ADAM32: variants seen among roughly 807,000 people sequenced by gnomAD.
The protein encoded by ADAM32 is disintegrin and metalloproteinase domain-containing protein 32.
ADAM32 carries 89 observed loss-of-function variants against 114.9 expected under a neutral mutation model. That is an observed-to-expected ratio of 0.77 (90% confidence interval 0.65 to 0.92). The LOEUF (loss-of-function observed/expected upper bound fraction) is 0.92. Among genes scored for constraint, ADAM32 ranks in the 40% least tolerant of loss-of-function variants. The pLI is 0.00. For missense variants in ADAM32, 870 were observed against 932.8 expected (o/e 0.93, Z 0.88); for synonymous variants, 285 against 307.5 (o/e 0.93, Z 0.77).
intron 11 of ADAM32, among the ~76,000 whole-genome samples, chr8:39,206,435 A>G (rs1807838108): frequency 6.6e-6 from 1 of 152,316 alleles, no homozygotes; most frequent in Non-Finnish European, 1.5e-5. Context: ...GATGGTCTGC[A>G]TGGGCACTGA....
intron 6 of ADAM32, chr8:39,157,488 TCAGA>T: frequency 2.7e-6 from 1 of 373,826 alleles, no homozygotes. Flanking sequence ...TTTTTCAGTG[TCAGA>T]TAACTTTTAT....
intron 19 of ADAM32, among the ~76,000 whole-genome samples, chr8:39,264,314 A>G (rs902772899): frequency 1.3e-5 from 2 of 151,934 alleles, no homozygotes; most frequent in Non-Finnish European, 2.9e-5. Context: ...GTATTCATCT[A>G]TTTCTTCTAG....
chr8:39,222,941 A>T, intron 13 of ADAM32, 99 bp from the exon 14 acceptor site: 1 of 946,872 alleles, frequency 1.1e-6, no homozygotes, highest in Non-Finnish European at 1.5e-6. Context: ...ATTAATGGAT[A>T]GACTAAAGCG....
At chr8:39,133,859 C>T (rs537892412) in intron 2 of ADAM32, among the ~76,000 whole-genome samples, 1 of 152,170 alleles carries the variant, frequency 6.6e-6, no homozygotes, top group Non-Finnish European at 1.5e-5. Flanking sequence ...TTGGGTGGGC[C>T]GGTCCTCAGA....
At chr8:39,148,235 C>T (rs1273739806) in intron 4 of ADAM32, among the ~76,000 whole-genome samples, 2 of 152,154 alleles carry the variant, frequency 1.3e-5, no homozygotes, top group Non-Finnish European at 2.9e-5. Flanking sequence ...GACCTCATTT[C>T]CTATTATTCT....
intron 19 of ADAM32, among the ~76,000 whole-genome samples, chr8:39,261,602 T>A (rs1312053970): frequency 6.6e-6 from 1 of 152,220 alleles, no homozygotes; most frequent in Non-Finnish European, 1.5e-5. Flanking sequence ...ATATGGTAGT[T>A]GCATTTGTTG....
At chr8:39,206,701 C>G (rs1372711040) in intron 11 of ADAM32, among the ~76,000 whole-genome samples, 1 of 152,216 alleles carries the variant, frequency 6.6e-6, no homozygotes, top group African/African-American at 2.4e-5. Flanking sequence ...ACTGAATCAG[C>G]TAGAGTGCTG....
chr8:39,165,221 T>C, intron 9 of ADAM32, 25 bp downstream of exon 9: 1 of 1,412,424 alleles, frequency 7.1e-7, no homozygotes, highest in Non-Finnish European at 9.5e-7. Flanking sequence ...TCATTATTCC[T>C]AGAAAGAAAA....
chr8:39,203,429 G>T (rs899011067), intron 11 of ADAM32, among the ~76,000 whole-genome samples: 1 of 152,046 alleles, frequency 6.6e-6, no homozygotes, highest in African/African-American at 2.4e-5. Flanking sequence ...TTTAAAGTCT[G>T]TTTATCAGAG....
At chr8:39,281,640 T>G (rs1813424476) in intron 23 of ADAM32, among the ~76,000 whole-genome samples, 2 of 152,204 alleles carry the variant, frequency 1.3e-5, no homozygotes, top group South Asian at 4.1e-4. Flanking sequence ...ATTCTACATT[T>G]CCCACAGATC....
chr8:39,212,050 CTT>C (rs1260539309), intron 12 of ADAM32, among the ~76,000 whole-genome samples: 1 of 151,654 alleles, frequency 6.6e-6, no homozygotes, highest in Admixed American at 6.6e-5. Context: ...GAGTTTTGCT[CTT>C]GTTGCCCAGG....
At chr8:39,263,234 G>A (rs1174550028) in intron 19 of ADAM32, among the ~76,000 whole-genome samples, 1 of 152,166 alleles carries the variant, frequency 6.6e-6, no homozygotes, top group Non-Finnish European at 1.5e-5. Flanking sequence ...AACTTTAGGT[G>A]AACAGTTATT....
At chr8:39,154,514 C>T (rs1804025835) in intron 6 of ADAM32, among the ~76,000 whole-genome samples, 1 of 152,130 alleles carries the variant, frequency 6.6e-6, no homozygotes, top group Non-Finnish European at 1.5e-5. Flanking sequence ...GTGCATGTGT[C>T]TTTACAGTAG....
chr8:39,227,100 C>T (rs1392810505), intron 14 of ADAM32, among the ~76,000 whole-genome samples: 1 of 152,106 alleles, frequency 6.6e-6, no homozygotes, highest in Non-Finnish European at 1.5e-5. Flanking sequence ...AAGAACAAAC[C>T]AACAATCCTG....
intron 16 of ADAM32, among the ~76,000 whole-genome samples, chr8:39,237,348 A>T (rs1474721662): frequency 3.3e-5 from 5 of 152,126 alleles, no homozygotes; most frequent in African/African-American, 1.2e-4. Flanking sequence ...ACTTAGTGTG[A>T]ATTTTCCTGG....
At chr8:39,279,637 A>G (rs1367065586) in intron 22 of ADAM32, among the ~76,000 whole-genome samples, 3 of 151,874 alleles carry the variant, frequency 2.0e-5, no homozygotes, top group Non-Finnish European at 4.4e-5. Context: ...CTACCTCTCT[A>G]TCTGACATTG....
At chr8:39,263,382 C>A (rs1440448160) in intron 19 of ADAM32, among the ~76,000 whole-genome samples, 1 of 152,034 alleles carries the variant, frequency 6.6e-6, no homozygotes, top group Non-Finnish European at 1.5e-5. Context: ...ATTTTCAGCC[C>A]TTATCTCTGC....
intron 17 of ADAM32, among the ~76,000 whole-genome samples, chr8:39,249,164 A>G (rs1318149886): frequency 6.6e-6 from 1 of 152,090 alleles, no homozygotes; most frequent in Non-Finnish European, 1.5e-5. Flanking sequence ...TTGGCCTCCC[A>G]AAGTGCTGGG....
intron 11 of ADAM32, among the ~76,000 whole-genome samples, chr8:39,187,828 G>A (rs1031357708): frequency 6.6e-5 from 10 of 151,756 alleles, no homozygotes; most frequent in Admixed American, 3.3e-4. Flanking sequence ...TATTTCACAG[G>A]GTGATGTAAG....
Sources: allele counts gnomAD v4.1 joint callset (sites outside exome capture counted in the v4.1 genomes callset), GRCh38; gene constraint gnomAD v4.1.1; transcripts MANE v1.5; gene names NCBI Gene and HGNC (gene_info 2026-07-23, HGNC 2026-07-21).